HSD11B1: variants seen among roughly 807,000 people sequenced by gnomAD.
The protein encoded by HSD11B1 is 11-beta-hydroxysteroid dehydrogenase 1.
HSD11B1 carries 15 observed loss-of-function variants against 22.1 expected under a neutral mutation model. The observed-to-expected ratio is 0.68, with a 90% confidence interval of 0.45 to 1.04. The LOEUF is 1.04. HSD11B1 is among the 50% of genes least tolerant of loss of function. The pLI, the probability that HSD11B1 is intolerant of heterozygous loss-of-function variation, is 0.00. For missense variants in HSD11B1, 281 were observed against 357.6 expected (o/e 0.79, Z 1.73); for synonymous variants, 122 against 125.2 (o/e 0.97, Z 0.17).
chr1:209,699,258 AT>A (rs1261570175), intron 1 of HSD11B1, among the ~76,000 whole-genome samples: 1 of 152,090 alleles, frequency 6.6e-6, no homozygotes. Flanking sequence ...GGAGAATCTT[AT>A]GCGTTATTGT....
chr1:209,730,836 C>G (rs1035568403), intron 4 of HSD11B1, among the ~76,000 whole-genome samples: 1 of 152,178 alleles, frequency 6.6e-6, no homozygotes, highest in African/African-American at 2.4e-5. Context: ...ACCCGAAAGA[C>G]CATCCTTCCC....
chr1:209,733,443 T>G (rs997474779), intron 5 of HSD11B1, among the ~76,000 whole-genome samples: 1 of 152,142 alleles, frequency 6.6e-6, no homozygotes. Flanking sequence ...AAATTACTAC[T>G]AAGTGGAATC....
At chr1:209,711,489 A>C (rs143321239) in intron 4 of HSD11B1, among the ~76,000 whole-genome samples, 2 of 152,292 alleles carry the variant, frequency 1.3e-5, no homozygotes, top group African/African-American at 4.8e-5. Context: ...TTCAGGAACC[A>C]GGATTTCTGA....
Position 209,706,815 on chromosome 1 carries a change from T to C in HSD11B1, c.326T>C (p.Leu109Pro). Residue 109 changes from leucine to proline, a missense_variant, in exon 3 of 6, where the codon CTC (leucine) becomes CCC (proline). Physicochemically the swap from Leu to Pro is moderately conservative, Grantham distance 98. Transcript: ENST00000367027. The surrounding 1 kb of genome is among the most constrained non-coding windows in gnomAD (Gnocchi z 4.0). ...CAATTTGTTGCCCAAGCAGGAAAGC[T>C]CATGGGTGAGGCTGTTTCTCTTACC... ...AEQFVAQAGK[L>P]MGGLDMLILN... 6.2e-7 allele frequency: 1 copy of C among 1,613,770 alleles called. No homozygotes were observed. Among genetic ancestry groups the C allele is most frequent in the Non-Finnish European group, 8.5e-7 (1 of 1,179,692 alleles).
upstream of HSD11B1, among the ~76,000 whole-genome samples, chr1:209,700,364 C>G (rs1382471543): frequency 6.6e-6 from 1 of 152,206 alleles, no homozygotes; most frequent in East Asian, 1.9e-4. Flanking sequence ...CGGAAGCTTC[C>G]AAGGCTTGGG....
At chr1:209,726,579 C>A (rs570797987) in intron 4 of HSD11B1, among the ~76,000 whole-genome samples, 12 of 152,242 alleles carry the variant, frequency 7.9e-5, no homozygotes, top group African/African-American at 2.9e-4. Flanking sequence ...CAGAGTGAGA[C>A]CCTGTTTCTA....
chr1:209,698,204 T>C (rs916630440), intron 1 of HSD11B1, among the ~76,000 whole-genome samples: 6 of 145,444 alleles, frequency 4.1e-5, no homozygotes, highest in Non-Finnish European at 6.3e-5. Flanking sequence ...GATAGATAGA[T>C]AGATAGATAG....
chr1:209,706,462 T>A lies in HSD11B1; in HGVS notation c.220-247T>A, dbSNP rs1479041323. Among the ~76,000 whole-genome samples, 2 of 152,216 alleles carry A rather than the reference T, an allele frequency of 1.3e-5. No individual in the cohort carries two copies. Among genetic ancestry groups the A allele is most frequent in the South Asian group, 2.1e-4 (1 of 4,822 alleles). Reference sequence around the variant, plus strand: ...TATTCACAGAAGCCATGAGCATAAATCATGAACTTAAACCCCAGCACTGGG... The same window carrying A: ...TATTCACAGAAGCCATGAGCATAAAACATGAACTTAAACCCCAGCACTGGG... On this transcript the variant is annotated intron_variant, in intron 2 of 5. Transcript: ENST00000367027. This position sits in a 1 kb window ranked among gnomAD's most constrained non-coding sequence, Gnocchi z 4.0.
intron 4 of HSD11B1, among the ~76,000 whole-genome samples, chr1:209,717,139 T>C (rs1388490892): frequency 1.3e-5 from 2 of 152,086 alleles, no homozygotes; most frequent in East Asian, 3.8e-4. Context: ...GAGAAAATAT[T>C]TGCAAAATAT....
intron 4 of HSD11B1, among the ~76,000 whole-genome samples, chr1:209,721,526 A>C (rs994970916): frequency 6.0e-5 from 9 of 151,144 alleles, no homozygotes; most frequent in African/African-American, 1.9e-4. Flanking sequence ...AGGACATATG[A>C]AAGTGAATTC....
At chr1:209,692,036 C>T (rs1035841341) in intron 1 of HSD11B1, among the ~76,000 whole-genome samples, 1 of 151,064 alleles carries the variant, frequency 6.6e-6, no homozygotes, top group African/African-American at 2.4e-5. Flanking sequence ...TTAAGCCCTC[C>T]TCATGTATTA....
chr1:209,691,356 G>A lies in HSD11B1; in HGVS notation c.-49+5071G>A, dbSNP rs1183198626. Among the ~76,000 whole-genome samples the A allele has an allele frequency of 2.6e-5, 4 of 152,166 alleles. No homozygotes were observed. The East Asian group carries it at 7.7e-4, about 29-fold the overall frequency. ...GTTAAAAATGTGAAACATCACTCCT[G>A]CATACAAGGTCTCAAAACATTTCCT... is the stretch of plus-strand genomic sequence containing the variant. On this transcript the variant is annotated intron_variant, in intron 1 of 6. Transcript: ENST00000261465.
rs1037600018 is a variant in HSD11B1 at position 209,734,371 on chromosome 1, G to A, written c.729G>A (p.Leu243=). The change falls in exon 6 of 6, where the codon CTG becomes CTA. Residue 243 remains leucine, a synonymous_variant. Transcript: ENST00000367027. The part of the protein sequence containing the change: ...MQAAPKEECA[L]EIIKGGALRQ... ...CAGCTCCAAAGGAGGAATGTGCCCT[G>A]GAGATCATCAAAGGGGGAGCTCTGC... 4 of 1,613,978 alleles carry A rather than the reference G, an allele frequency of 2.5e-6. No individual in the cohort carries two copies. The Admixed American group carries it at 5.0e-5, about 20-fold the overall frequency.
At chr1:209,724,347 G>A (rs1166922121) in intron 4 of HSD11B1, among the ~76,000 whole-genome samples, 5 of 152,166 alleles carry the variant, frequency 3.3e-5, no homozygotes, top group Non-Finnish European at 7.4e-5. Context: ...CTTTTTGGAA[G>A]ATCAATGAGA....
intron 4 of HSD11B1, among the ~76,000 whole-genome samples, chr1:209,716,487 A>G (rs1431381654): frequency 6.6e-6 from 1 of 152,164 alleles, no homozygotes; most frequent in African/African-American, 2.4e-5. Context: ...TGTTGTTAAC[A>G]TGACCATAAT....
At chr1:209,730,678 T>A (rs908025462) in intron 4 of HSD11B1, among the ~76,000 whole-genome samples, 1 of 152,338 alleles carries the variant, frequency 6.6e-6, no homozygotes, top group African/African-American at 2.4e-5. Flanking sequence ...CTATATGACA[T>A]AAAACAAAGA....
intron 4 of HSD11B1, among the ~76,000 whole-genome samples, chr1:209,719,351 T>G (rs2076950488): frequency 6.6e-6 from 1 of 152,202 alleles, no homozygotes; most frequent in Non-Finnish European, 1.5e-5. Context: ...AACTGTATGA[T>G]TCCACTTACG....
chr1:209,703,658 T>G (rs2076838062), upstream of HSD11B1, among the ~76,000 whole-genome samples: 1 of 152,218 alleles, frequency 6.6e-6, no homozygotes, highest in African/African-American at 2.4e-5. Flanking sequence ...ATACTGCACT[T>G]GGAATCATAA....
intron 4 of HSD11B1, among the ~76,000 whole-genome samples, chr1:209,714,797 A>G (rs1162115041): frequency 2.6e-5 from 4 of 152,182 alleles, no homozygotes; most frequent in African/African-American, 7.2e-5. Context: ...AGATTGAAAA[A>G]CTTGAGCAGG....
Sources: gnomAD v4.1 joint callset for allele counts (sites outside exome capture counted in the v4.1 genomes callset) on GRCh38, gnomAD v4.1.1 for gene constraint, Gnocchi (gnomAD v3.1) non-coding constraint, MANE v1.5 for transcripts, NCBI Gene and HGNC (gene_info 2026-07-23, HGNC 2026-07-21) for gene names.